KLRG1: variants seen among roughly 807,000 people sequenced by gnomAD.
KLRG1 encodes killer cell lectin-like receptor subfamily G member 1.
KLRG1 carries 16 observed loss-of-function variants against 21.8 expected under a neutral mutation model. The observed-to-expected ratio is 0.73, with a 90% CI of 0.50 to 1.11. The LOEUF is 1.11. Among genes scored for constraint, KLRG1 ranks in the 50% most tolerant of loss-of-function variants. KLRG1 has a pLI of 0.00. For synonymous variants in KLRG1, 69 were observed against 75.9 expected (o/e 0.91, Z 0.47); for missense variants, 173 against 218.3 (o/e 0.79, Z 1.31).
the KLRG1 span, among the ~76,000 whole-genome samples, chr12:9,069,479 C>G: frequency 8.5e-4 from 130 of 152,052 alleles, no homozygotes; most frequent in Non-Finnish European, 2.1e-4. Context: ...AAAAACTTGT[C>G]AACATAATAA....
At chr12:9,038,874 A>C in the KLRG1 span, among the ~76,000 whole-genome samples, 285 of 150,180 alleles carry the variant, frequency 1.9e-3, no homozygotes, top group African/African-American at 6.7e-3. Flanking sequence ...GCTGCACTCC[A>C]GCCTGGGCAA....
chr12:9,194,706 T>C, the KLRG1 span, among the ~76,000 whole-genome samples: 4 of 152,088 alleles, frequency 2.6e-5, no homozygotes, highest in Non-Finnish European at 4.4e-5. Flanking sequence ...CCTCGTGATC[T>C]GCCCGCCTCG....
At chr12:9,203,382 C>T in the KLRG1 span, among the ~76,000 whole-genome samples, 1 of 145,314 alleles carries the variant, frequency 6.9e-6, no homozygotes, top group Non-Finnish European at 1.5e-5. Context: ...CGCTCTGTCG[C>T]CCAGGCTGGA....
the KLRG1 span, among the ~76,000 whole-genome samples, chr12:9,026,269 T>C: frequency 6.6e-6 from 1 of 152,154 alleles, no homozygotes; most frequent in Admixed American, 6.5e-5. Context: ...TTGGGAATAA[T>C]AGTGTAGGAG....
the KLRG1 span, chr12:9,068,105 G>C: frequency 6.8e-6 from 10 of 1,476,544 alleles, no homozygotes; most frequent in South Asian, 1.1e-4. Context: ...TATTTACCCA[G>C]CGTTTTATGA....
intron 1 of KLRG1, among the ~76,000 whole-genome samples, chr12:8,974,932 G>A (rs1161098552): frequency 6.6e-6 from 1 of 150,932 alleles, no homozygotes; most frequent in African/African-American, 2.4e-5. Flanking sequence ...GTCTTGCTCT[G>A]TCAGCCAGGC....
At chr12:9,087,744 T>C in the KLRG1 span, among the ~76,000 whole-genome samples, 5 of 152,152 alleles carry the variant, frequency 3.3e-5, no homozygotes, top group African/African-American at 1.2e-4. Flanking sequence ...CTTTGTATGC[T>C]GTATATATAT....
chr12:8,951,058 C>A (rs1471896934), intron 1 of KLRG1, among the ~76,000 whole-genome samples: 1 of 151,860 alleles, frequency 6.6e-6, no homozygotes, highest in Non-Finnish European at 1.5e-5. Flanking sequence ...AAATTTTTTT[C>A]TTCCTGAAAA....
At chr12:9,132,677 G>T in the KLRG1 span, among the ~76,000 whole-genome samples, 1 of 125,962 alleles carries the variant, frequency 7.9e-6, no homozygotes, top group Admixed American at 7.9e-5. Context: ...TGGGAAGAGT[G>T]AGAAAAAATA....
chr12:9,056,216 C>T, the KLRG1 span, among the ~76,000 whole-genome samples: 2 of 152,090 alleles, frequency 1.3e-5, no homozygotes, highest in East Asian at 1.9e-4. Flanking sequence ...AGGCTTTGAC[C>T]TATTTAAGGA....
chr12:9,040,797 A>G, the KLRG1 span, among the ~76,000 whole-genome samples: 6 of 152,242 alleles, frequency 3.9e-5, no homozygotes, highest in Non-Finnish European at 8.8e-5. Flanking sequence ...AAAGATTTCA[A>G]ACAACAACTA....
At chr12:9,065,772 C>T in the KLRG1 span, 1 of 152,264 alleles carries the variant, frequency 6.6e-6, no homozygotes, top group Non-Finnish European at 1.5e-5. Context: ...TCATGGCTGC[C>T]CATGGACCAA....
chr12:9,212,974 C>G, the KLRG1 span, among the ~76,000 whole-genome samples: 10 of 152,160 alleles, frequency 6.6e-5, no homozygotes, highest in Non-Finnish European at 1.2e-4. Context: ...AGTAGAAATA[C>G]TAATTCGTGC....
the KLRG1 span, chr12:9,113,691 C>T: frequency 1.4e-6 from 1 of 733,168 alleles, no homozygotes; most frequent in Non-Finnish European, 2.2e-6. Flanking sequence ...CGTTGAAGGC[C>T]ATGCATAAGA....
At chr12:9,111,400 AGAG>A in the KLRG1 span, 1 of 393,940 alleles carries the variant, frequency 2.5e-6, no homozygotes, top group East Asian at 7.9e-5. Flanking sequence ...CATTTTAGAC[AGAG>A]GAGTGAAAGT....
chr12:9,192,134 C>G, the KLRG1 span: 6 of 1,416,730 alleles, frequency 4.2e-6, no homozygotes, highest in Non-Finnish European at 6.0e-6. Flanking sequence ...GAACTGTCAC[C>G]GAGGGAAGGG....
chr12:9,053,887 C>T, the KLRG1 span, among the ~76,000 whole-genome samples: 1 of 152,180 alleles, frequency 6.6e-6, no homozygotes, highest in African/African-American at 2.4e-5. Context: ...GCTGACTCAC[C>T]AAAGAATGCA....
At chr12:8,990,006 G>T (rs1204915940) in intron 1 of KLRG1, among the ~76,000 whole-genome samples, 1 of 152,162 alleles carries the variant, frequency 6.6e-6, no homozygotes, top group African/African-American at 2.4e-5. Flanking sequence ...CTTAGCTAAA[G>T]CGGGAACTTT....
At chr12:9,129,090 T>C in the KLRG1 span, among the ~76,000 whole-genome samples, 1 of 152,310 alleles carries the variant, frequency 6.6e-6, no homozygotes, top group East Asian at 1.9e-4. Context: ...CATCAAAAGA[T>C]AGTTTCAAGA....
Sources: gnomAD v4.1 joint callset for allele counts (sites outside exome capture counted in the v4.1 genomes callset) on GRCh38, gnomAD v4.1.1 for gene constraint, MANE v1.5 for transcripts, NCBI Gene and HGNC (gene_info 2026-07-23, HGNC 2026-07-21) for gene names.